The following DNAH9 variants were observed in gnomAD, a reference collection of about 807,000 sequenced individuals.
The protein encoded by DNAH9 is DNAH9 variant protein.
A neutral mutation model predicts 471.6 loss-of-function variants in DNAH9; 345 were observed. The observed-to-expected ratio is 0.73, with a 90% CI of 0.67 to 0.80. The LOEUF (loss-of-function observed/expected upper bound fraction) is 0.80. Ranked by LOEUF, DNAH9 falls within the 30% of genes least tolerant of loss-of-function variation. The probability of loss-of-function intolerance (pLI) is 0.00; values close to 1 mark genes in which losing one functional copy is unlikely to be tolerated. For synonymous variants in DNAH9, 2,093 were observed against 2,123.6 expected (o/e 0.99, Z 0.40); for missense variants, 5,407 against 5,609.2 (o/e 0.96, Z 1.15).
chr17:11,772,426 A>C (rs1388348957), intron 38 of DNAH9, among the ~76,000 whole-genome samples: 1 of 152,112 alleles, frequency 6.6e-6, no homozygotes, highest in African/African-American at 2.4e-5. Flanking sequence ...TCTCACCTAG[A>C]GGGCTTTCTC....
chr17:11,958,135 ATAC>A (rs1216134558), intron 67 of DNAH9, among the ~76,000 whole-genome samples: 3 of 152,198 alleles, frequency 2.0e-5, no homozygotes, highest in Admixed American at 6.5e-5. Flanking sequence ...ACTTAAACAC[ATAC>A]TACTAAGTGA....
chr17:11,924,875 C>T (rs1974266382), intron 62 of DNAH9, among the ~76,000 whole-genome samples: 2 of 152,170 alleles, frequency 1.3e-5, no homozygotes, highest in Admixed American at 6.5e-5. Flanking sequence ...CTACCTGCGT[C>T]AGCCTCCCAA....
intron 43 of DNAH9, among the ~76,000 whole-genome samples, chr17:11,802,643 A>G (rs1969506965): frequency 1.1e-5 from 1 of 92,786 alleles, no homozygotes; most frequent in Admixed American, 1.1e-4. Context: ...AAGAAAACAC[A>G]CAGACAAAAA....
At chr17:11,665,042 G>T in intron 15 of DNAH9, 74 bp downstream of exon 15, 2 of 1,349,004 alleles carry the variant, frequency 1.5e-6, no homozygotes, top group Admixed American at 1.9e-5. Flanking sequence ...TTATATTGAA[G>T]AGCAGCTGAG....
At chr17:11,784,151 C>G in intron 40 of DNAH9, 149 bp from the exon 41 acceptor site, 2 of 1,204,266 alleles carry the variant, frequency 1.7e-6, no homozygotes, top group Non-Finnish European at 2.4e-6. Flanking sequence ...ATTTTAGGTT[C>G]AACCTAAATT....
chr17:11,727,074 A>AAAAC lies in DNAH9; in HGVS notation c.5710-743_5710-740dup, dbSNP rs1555574117. On this transcript the variant is annotated intron_variant, in intron 27 of 68. Transcript: ENST00000262442. ...AAAAAAAAAAAAAAAAAAAAAAAAA[A>AAAAC]AAACCCGCTGAATAAATGAATGGGA... Among the ~76,000 whole-genome samples, 109 of 139,938 alleles carry AAAAC rather than the reference A, an allele frequency of 7.8e-4. 6 individuals are homozygous for AAAAC. The highest frequency in any genetic ancestry group is 3.0e-3 in the African/African-American group (106 of 35,028). 91.8% of individuals were successfully genotyped at this position (139,938 alleles called of 152,430 possible). A position where few individuals can be genotyped will look rare whatever the true frequency, so the allele number is the denominator to read the frequency against.
Position 11,694,429 on chromosome 17 carries a change from C to A in DNAH9, c.4854C>A (p.Asn1618Lys). ...CCGATCTGTTAGACATCCTTTCCAA[C>A]GGCACAGCTCCACAACAGGTAAGCT... is the stretch of plus-strand genomic sequence containing the variant. ...SSSDLLDILS[N>K]GTAPQQVQRH... Residue 1618 changes from asparagine (N) to lysine (K), a missense_variant, in exon 22 of 69, where the codon AAC becomes AAA. Asn to Lys is a moderately conservative substitution (Grantham distance 94, BLOSUM62 0). Coordinates refer to ENST00000262442, the MANE Select transcript of DNAH9 (RefSeq NM_001372.4). 2 of 1,613,124 alleles carry A rather than the reference C, an allele frequency of 1.2e-6. No individual in the cohort carries two copies. Among genetic ancestry groups the A allele is most frequent in the Admixed American group, 1.7e-5 (1 of 59,894 alleles).
chr17:11,737,014 G>A (rs1455510500), intron 28 of DNAH9, among the ~76,000 whole-genome samples: 1 of 152,226 alleles, frequency 6.6e-6, no homozygotes, highest in Non-Finnish European at 1.5e-5. Flanking sequence ...AACTTGCAGG[G>A]TGATGAAGGC....
chr17:11,887,034 G>C, intron 57 of DNAH9, 69 bp downstream of exon 57: 1 of 1,508,816 alleles, frequency 6.6e-7, no homozygotes, highest in Non-Finnish European at 8.9e-7. Context: ...GCAGCTCTCT[G>C]TGAGAGCTTA....
chr17:11,824,976 T>G lies in DNAH9; in HGVS notation c.9246+1942T>G, dbSNP rs542048580. Among the ~76,000 whole-genome samples the G allele has an allele frequency of 1.0e-3, 156 of 152,248 alleles. 1 individual carries two copies. Among genetic ancestry groups the G allele is most frequent in the South Asian group, 1.9e-3 (9 of 4,810 alleles). On this transcript the variant is annotated intron_variant, in intron 48 of 68. Coordinates refer to ENST00000262442, the MANE Select transcript of DNAH9 (RefSeq NM_001372.4). ...CCATTCTTTGCTCTGTGGTTTTATATAGACCTTTTTTTTTCTTTATTTACC... is the reference window on the plus strand; with the variant it reads ...CCATTCTTTGCTCTGTGGTTTTATAGAGACCTTTTTTTTTCTTTATTTACC...
chr17:11,867,317 C>A (rs140826540), intron 50 of DNAH9, among the ~76,000 whole-genome samples: 1 of 152,130 alleles, frequency 6.6e-6, no homozygotes, highest in East Asian at 1.9e-4. Context: ...GATGTTGAAC[C>A]TCCTAGATCA....
intron 43 of DNAH9, among the ~76,000 whole-genome samples, chr17:11,799,999 G>A (rs1969392582): frequency 1.3e-5 from 2 of 152,084 alleles, no homozygotes; most frequent in African/African-American, 4.8e-5. Context: ...TATCAAACAG[G>A]TCTCAACATT....
chr17:11,674,063 C>T (rs533054982), intron 17 of DNAH9, among the ~76,000 whole-genome samples: 5 of 152,258 alleles, frequency 3.3e-5, no homozygotes, highest in African/African-American at 4.8e-5. Flanking sequence ...TTTTCCCTGT[C>T]GTACAGTATT....
intron 48 of DNAH9, among the ~76,000 whole-genome samples, chr17:11,830,256 C>T (rs747898426): frequency 2.0e-5 from 3 of 152,210 alleles, no homozygotes; most frequent in African/African-American, 4.8e-5. Flanking sequence ...ACTTGTCCCT[C>T]GTTGGCACTG....
At chr17:11,961,447 T>TG (rs1473536683) in intron 67 of DNAH9, among the ~76,000 whole-genome samples, 45 of 152,320 alleles carry the variant, frequency 3.0e-4, no homozygotes, top group African/African-American at 1.1e-3. Flanking sequence ...ATCCCTGATT[T>TG]GGGGGAATAT....
chr17:11,635,849 C>T (rs909729191), intron 8 of DNAH9, among the ~76,000 whole-genome samples: 4 of 152,282 alleles, frequency 2.6e-5, no homozygotes, highest in Non-Finnish European at 2.9e-5. Context: ...GCCATTCTCA[C>T]GGCACCTGCT....
Position 11,932,036 on chromosome 17 carries a change from G to A in DNAH9, c.12128G>A (p.Arg4043Gln), listed in dbSNP as rs779511750. ...FTQDTLEMCS[R>Q]ETEFKSILFA... The stretch of plus-strand genomic sequence containing the variant: ...CAGGACACTCTGGAGATGTGTTCTC[G>A]GGAGACGGAGTTTAAGAGCATCCTC... Residue 4043 changes from arginine to glutamine, a missense_variant, in exon 64 of 69, where the codon CGG becomes CAG. Physicochemically the swap from Arg to Gln is conservative, Grantham distance 43. Around this residue, in one of 3 missense-constraint regions of DNAH9, gnomAD observed 4,636 missense variants for 4,900.3 expected, o/e 0.95. Coordinates refer to ENST00000262442, the MANE Select transcript of DNAH9 (RefSeq NM_001372.4). The surrounding 1 kb of genome is among the most constrained non-coding windows in gnomAD (Gnocchi z 4.3). 126 of 1,613,996 alleles carry A rather than the reference G, an allele frequency of 7.8e-5. No individual in the cohort carries two copies. Among genetic ancestry groups the A allele is most frequent in the Admixed American group, 1.3e-4 (8 of 60,004 alleles).
At chr17:11,854,785 T>C (rs1971564426) in intron 50 of DNAH9, among the ~76,000 whole-genome samples, 1 of 152,224 alleles carries the variant, frequency 6.6e-6, no homozygotes, top group African/African-American at 2.4e-5. Context: ...GCCAACTATC[T>C]GCCTGTCTCA....
At chr17:11,918,143 C>G (rs1378244465) in intron 61 of DNAH9, among the ~76,000 whole-genome samples, 1 of 152,152 alleles carries the variant, frequency 6.6e-6, no homozygotes, top group Non-Finnish European at 1.5e-5. Context: ...CGAAACTTTG[C>G]TTTGGGTCTT....
Sources: gnomAD v4.1 joint callset for allele counts (sites outside exome capture counted in the v4.1 genomes callset) on GRCh38, gnomAD v4.1.1 for gene constraint, gnomAD v4.1.1 regional missense constraint, Gnocchi (gnomAD v3.1) non-coding constraint, MANE v1.5 for transcripts, NCBI Gene and HGNC (gene_info 2026-07-23, HGNC 2026-07-21) for gene names.